PLCB1: variants seen among roughly 807,000 people sequenced by gnomAD.
The protein encoded by PLCB1 is 1-phosphatidylinositol 4,5-bisphosphate phosphodiesterase beta-1.
PLCB1 carries 46 observed loss-of-function variants against 161.8 expected under a neutral mutation model. The ratio of observed to expected loss-of-function variants is 0.28; its 90% CI spans 0.22 to 0.36. The LOEUF is 0.36. PLCB1 is among the 10% of genes least tolerant of loss of function. The probability of loss-of-function intolerance (pLI) is 1.00; values close to 1 mark genes in which losing one functional copy is unlikely to be tolerated. For missense variants in PLCB1, 1,016 were observed against 1,472.5 expected (o/e 0.69, Z 5.07); for synonymous variants, 517 against 503.7 (o/e 1.03, Z -0.35).
intron 2 of PLCB1, among the ~76,000 whole-genome samples, chr20:8,154,749 T>C (rs2051542398): frequency 6.6e-6 from 1 of 152,220 alleles, no homozygotes; most frequent in Admixed American, 6.5e-5. Flanking sequence ...ATGGATTGCC[T>C]ATTTATATCT....
chr20:8,381,001 G>A (rs1342820646), intron 3 of PLCB1, among the ~76,000 whole-genome samples: 1 of 152,132 alleles, frequency 6.6e-6, no homozygotes, highest in Non-Finnish European at 1.5e-5. Flanking sequence ...TGGTGAGAGA[G>A]GCCATCCTTG....
At chr20:8,338,181 A>G (rs1250739157) in intron 2 of PLCB1, among the ~76,000 whole-genome samples, 2 of 152,242 alleles carry the variant, frequency 1.3e-5, no homozygotes, top group Non-Finnish European at 2.9e-5. Context: ...AAATTTTAAT[A>G]ATATGTAATA....
rs1220475436 is a variant in PLCB1, at chr20:8,538,886, C to T, written c.247-89408C>T. 3.3e-5 allele frequency among the ~76,000 whole-genome samples: 5 copies of T among 151,846 alleles called. No homozygotes were observed. In the East Asian group the frequency reaches 5.8e-4, roughly 18 times the overall value. ...TCTGCTCACTGCAACCTCTGCCTCC[C>T]GGGTTCAAGTGGTTCTCCTGCCTCA... On this transcript the variant is annotated intron_variant, in intron 3 of 31. Coordinates refer to ENST00000338037, the MANE Select transcript of PLCB1 (RefSeq NM_015192.4).
intron 3 of PLCB1, among the ~76,000 whole-genome samples, chr20:8,415,384 C>T (rs73897473): frequency 0.02 from 2,979 of 152,234 alleles, 110 homozygotes; most frequent in African/African-American, 0.069. Flanking sequence ...TATAAGTGTT[C>T]GAACTAGAAA....
At chr20:8,439,000 C>T (rs905632025) in intron 3 of PLCB1, among the ~76,000 whole-genome samples, 10 of 152,154 alleles carry the variant, frequency 6.6e-5, no homozygotes, top group East Asian at 1.9e-4. Context: ...GAGTCAGCGA[C>T]GTGCTCTCGT....
intron 2 of PLCB1, among the ~76,000 whole-genome samples, chr20:8,347,485 T>A (rs1006917616): frequency 6.6e-6 from 1 of 152,164 alleles, no homozygotes; most frequent in African/African-American, 2.4e-5. Flanking sequence ...CTAGGTGATA[T>A]GTCTAAAATA....
chr20:8,583,543 T>G (rs1371026995), intron 3 of PLCB1, among the ~76,000 whole-genome samples: 1 of 152,172 alleles, frequency 6.6e-6, no homozygotes, highest in Non-Finnish European at 1.5e-5. Context: ...CTCCAGTACA[T>G]ATGCCATGTG....
intron 3 of PLCB1, among the ~76,000 whole-genome samples, chr20:8,545,655 G>A (rs896251357): frequency 3.3e-5 from 5 of 152,146 alleles, no homozygotes; most frequent in Non-Finnish European, 7.3e-5. Context: ...TCTGGATGTG[G>A]GAGGTGAGAA....
chr20:8,766,442 A>G (rs1455195758), intron 26 of PLCB1, among the ~76,000 whole-genome samples: 1 of 152,198 alleles, frequency 6.6e-6, no homozygotes, highest in African/African-American at 2.4e-5. Context: ...AGGAAACAGC[A>G]AGTGCAAAGG....
chr20:8,260,477 G>C (rs1192360732), intron 2 of PLCB1, among the ~76,000 whole-genome samples: 1 of 152,054 alleles, frequency 6.6e-6, no homozygotes, highest in Non-Finnish European at 1.5e-5. Context: ...GAGGACTTTA[G>C]GGAGAGTCAG....
intron 3 of PLCB1, among the ~76,000 whole-genome samples, chr20:8,602,762 A>G (rs1158626371): frequency 6.6e-6 from 1 of 152,214 alleles, no homozygotes; most frequent in Non-Finnish European, 1.5e-5. Flanking sequence ...TTCTATTTAA[A>G]GGGATTTTAA....
chr20:8,615,315 A>G (rs1008164036), intron 3 of PLCB1, among the ~76,000 whole-genome samples: 24 of 152,236 alleles, frequency 1.6e-4, no homozygotes, highest in African/African-American at 5.5e-4. Flanking sequence ...TAGGGAAGAC[A>G]GTGATTTATA....
At chr20:8,471,268 C>T (rs187586247) in intron 3 of PLCB1, among the ~76,000 whole-genome samples, 1 of 152,254 alleles carries the variant, frequency 6.6e-6, no homozygotes, top group East Asian at 1.9e-4. Flanking sequence ...TTCCTTGAAC[C>T]TTTAATATGT....
At chr20:8,805,897 C>T (rs1435470085) in intron 31 of PLCB1, among the ~76,000 whole-genome samples, 6 of 152,110 alleles carry the variant, frequency 3.9e-5, no homozygotes, top group Non-Finnish European at 5.9e-5. Context: ...AATGGAAAGA[C>T]GACGAGCCTC....
At position 8,176,607 on chromosome 20, in the gene PLCB1, T is replaced by C. The variant is rs1203785909; in HGVS notation, c.177+26236T>C. Among the ~76,000 whole-genome samples the C allele has an allele frequency of 1.3e-4, 20 of 152,266 alleles. 1 individual carries two copies. Among genetic ancestry groups the C allele is most frequent in the Admixed American group, 6.5e-4 (10 of 15,288 alleles). On this transcript the variant is annotated intron_variant, in intron 2 of 31. Transcript: ENST00000338037. ...CATGAACCTACAGATGATAAACTTG[T>C]ATAGAATTAAATACACACACATGCA...
At chr20:8,457,157 G>T (rs1444415658) in intron 3 of PLCB1, among the ~76,000 whole-genome samples, 1 of 152,076 alleles carries the variant, frequency 6.6e-6, no homozygotes, top group Non-Finnish European at 1.5e-5. Flanking sequence ...CCTATTTTTT[G>T]TAAGTGTAAG....
rs771116123 is a variant in PLCB1 at position 8,722,373 on chromosome 20, T to TGAC, written c.1542_1544dup (p.Asp519dup). The TGAC allele has an allele frequency of 2.5e-6, 4 of 1,611,636 alleles. No homozygotes were observed. The highest frequency in any genetic ancestry group is 1.1e-5 in the South Asian group (1 of 90,702). ...TGACAGGAGAAGCTGATACGGAAAG[T>TGAC]GACGACGACGATGATGATGATGACT... On this transcript the variant is annotated inframe_insertion, in exon 15 of 32. Transcript: ENST00000338037.
At chr20:8,662,392 A>T (rs187645791) in intron 9 of PLCB1, among the ~76,000 whole-genome samples, 1 of 129,616 alleles carries the variant, frequency 7.7e-6, no homozygotes, top group Non-Finnish European at 1.6e-5. Flanking sequence ...ATATATAATT[A>T]TTTATTATAT....
chr20:8,426,013 T>C (rs1336319564), intron 3 of PLCB1, among the ~76,000 whole-genome samples: 1 of 152,194 alleles, frequency 6.6e-6, no homozygotes, highest in African/African-American at 2.4e-5. Flanking sequence ...CTTTGAGCTT[T>C]ATGGTGACAC....
Sources: allele counts gnomAD v4.1 joint callset (sites outside exome capture counted in the v4.1 genomes callset), GRCh38; gene constraint gnomAD v4.1.1; transcripts MANE v1.5; gene names NCBI Gene and HGNC (gene_info 2026-07-23, HGNC 2026-07-21).